Variants in MAML1 observed in about 807,000 individuals in gnomAD.
MAML1 encodes mastermind like transcriptional coactivator 1.
MAML1 carries 14 observed loss-of-function variants against 77.1 expected under a neutral mutation model. The observed-to-expected ratio is 0.18, with a 90% CI of 0.12 to 0.28. MAML1 has a LOEUF of 0.28. MAML1 is among the 10% of genes least tolerant of loss of function. The pLI, the probability that MAML1 is intolerant of heterozygous loss-of-function variation, is 1.00. For missense variants in MAML1, 1,217 were observed against 1,327.8 expected (o/e 0.92, Z 1.30); for synonymous variants, 516 against 551.9 (o/e 0.93, Z 0.91).
At chr5:179,763,621 AG>A (rs1346906160) in intron 1 of MAML1, among the ~76,000 whole-genome samples, 2 of 152,198 alleles carry the variant, frequency 1.3e-5, no homozygotes, top group East Asian at 3.9e-4. Flanking sequence ...TGGGGATTAG[AG>A]GTTGAGAAAA....
intron 1 of MAML1, among the ~76,000 whole-genome samples, chr5:179,737,874 A>G (rs1160045810): frequency 1.1e-5 from 1 of 93,774 alleles, no homozygotes; most frequent in Non-Finnish European, 3.0e-5. Context: ...GTGGGGCACT[A>G]CAGCCTTGAA....
rs976476471 is a variant in MAML1, at chr5:179,775,940, G to A, written c.*1063G>A. ...TTTTGGGGAAGGAGGCCGTAGGCCGGCCCGGAGGAAGCAATTCCACTTGGT... is the reference window on the plus strand; with the variant it reads ...TTTTGGGGAAGGAGGCCGTAGGCCGACCCGGAGGAAGCAATTCCACTTGGT... On this transcript the variant is annotated 3_prime_UTR_variant, in exon 5 of 5. Transcript: ENST00000292599. The A allele has an allele frequency of 3.0e-6, 3 of 985,622 alleles. No individual in the cohort carries two copies. Among genetic ancestry groups the A allele is most frequent in the Non-Finnish European group, 3.6e-6 (3 of 829,948 alleles). The allele number at this position is 985,622 out of a possible 1,614,324, so 61.1% of individuals were successfully genotyped here. A position where few individuals can be genotyped will look rare whatever the true frequency, so the allele number is the denominator to read the frequency against.
At chr5:179,761,031 T>C (rs1050155538) in intron 1 of MAML1, among the ~76,000 whole-genome samples, 13 of 150,946 alleles carry the variant, frequency 8.6e-5, no homozygotes, top group African/African-American at 3.2e-4. Flanking sequence ...GAGGTGGAGC[T>C]TGCAGTGAGC....
chr5:179,753,222 T>TGCGC (rs1171083663), intron 1 of MAML1, among the ~76,000 whole-genome samples: 29 of 31,484 alleles, frequency 9.2e-4, no homozygotes, highest in South Asian at 3.7e-3. Flanking sequence ...TGTGTGTGTG[T>TGCGC]GCGCGCGCGC....
chr5:179,742,707 TGAGGCAG>T (rs1323166517), intron 1 of MAML1, among the ~76,000 whole-genome samples: 2 of 151,272 alleles, frequency 1.3e-5, no homozygotes, highest in African/African-American at 2.4e-5. Flanking sequence ...CTTGGGAGGC[TGAGGCAG>T]GAGGCAGGAG....
At chr5:179,747,702 T>C (rs1386723102) in intron 1 of MAML1, among the ~76,000 whole-genome samples, 1 of 145,072 alleles carries the variant, frequency 6.9e-6, no homozygotes, top group Non-Finnish European at 1.5e-5. Flanking sequence ...CCCAGCTACT[T>C]GGGAGGCTGA....
chr5:179,746,719 TCA>T (rs1302117014), intron 1 of MAML1, among the ~76,000 whole-genome samples: 1 of 152,172 alleles, frequency 6.6e-6, no homozygotes, highest in Non-Finnish European at 1.5e-5. Flanking sequence ...TGCCAAAAAA[TCA>T]CAGTTACATA....
At chr5:179,745,995 T>C (rs1167374255) in intron 1 of MAML1, among the ~76,000 whole-genome samples, 7 of 141,126 alleles carry the variant, frequency 5.0e-5, no homozygotes, top group Non-Finnish European at 9.1e-5. Context: ...GATAGCGCCA[T>C]TCCATTCCAG....
intron 1 of MAML1, among the ~76,000 whole-genome samples, chr5:179,740,963 T>A (rs1270381431): frequency 6.6e-6 from 1 of 152,228 alleles, no homozygotes; most frequent in Non-Finnish European, 1.5e-5. Context: ...ATTTGTCACC[T>A]GTAATAATAC....
At chr5:179,748,532 G>A (rs1779425446) in intron 1 of MAML1, among the ~76,000 whole-genome samples, 1 of 152,154 alleles carries the variant, frequency 6.6e-6, no homozygotes, top group Non-Finnish European at 1.5e-5. Context: ...TTTAATAAAG[G>A]CATATCAATA....
intron 1 of MAML1, among the ~76,000 whole-genome samples, chr5:179,754,324 GT>G (rs1779569990): frequency 6.6e-6 from 1 of 152,126 alleles, no homozygotes; most frequent in Non-Finnish European, 1.5e-5. Flanking sequence ...GGCAGGCATG[GT>G]GGTTCACGCC....
chr5:179,748,236 C>A (rs973408806), intron 1 of MAML1, among the ~76,000 whole-genome samples: 3 of 152,098 alleles, frequency 2.0e-5, no homozygotes, highest in African/African-American at 7.2e-5. Context: ...GTGCCTGCCA[C>A]CACGCCTGGC....
intron 1 of MAML1, among the ~76,000 whole-genome samples, chr5:179,744,165 A>C (rs995729905): frequency 6.6e-6 from 1 of 152,192 alleles, no homozygotes; most frequent in Non-Finnish European, 1.5e-5. Context: ...TCTTTGCAAC[A>C]AAAAGAGGTA....
Position 179,765,969 on chromosome 5 carries a change from G to A in MAML1, c.959G>A (p.Gly320Glu). 4 of 1,613,746 alleles carry A rather than the reference G, an allele frequency of 2.5e-6. No homozygotes were observed. Among genetic ancestry groups the A allele is most frequent in the East Asian group, 2.2e-5 (1 of 44,872 alleles). ...EQLGSPQVRA[G>E]SAGQTFLGPS... ...TTAGGCTCTCCACAAGTGAGGGCCG[G>A]GTCTGCAGGGCAGACCTTTCTGGGG... Residue 320 changes from glycine (G) to glutamate (E), a missense_variant, in exon 2 of 5, where the codon GGG (glycine) becomes GAG (glutamate). Transcript: ENST00000292599.
chr5:179,735,316 A>G (rs1779145492), intron 1 of MAML1, among the ~76,000 whole-genome samples: 1 of 152,220 alleles, frequency 6.6e-6, no homozygotes, highest in Non-Finnish European at 1.5e-5. Context: ...GTTCCTGACC[A>G]GCCTAACCCA....
At chr5:179,764,786 A>G (rs1779783159) in intron 1 of MAML1, among the ~76,000 whole-genome samples, 1 of 151,972 alleles carries the variant, frequency 6.6e-6, no homozygotes, top group Admixed American at 6.6e-5. Flanking sequence ...ACATGGTGAA[A>G]CCCCGTCCCT....
At chr5:179,739,979 T>C (rs936206997) in intron 1 of MAML1, among the ~76,000 whole-genome samples, 1 of 152,184 alleles carries the variant, frequency 6.6e-6, no homozygotes, top group Admixed American at 6.5e-5. Context: ...GTCAATATTT[T>C]TGTTAACTTT....
At chr5:179,767,392 C>T (rs1167145033) in intron 2 of MAML1, among the ~76,000 whole-genome samples, 1 of 152,156 alleles carries the variant, frequency 6.6e-6, no homozygotes, top group African/African-American at 2.4e-5. Context: ...AATAGACACA[C>T]TCCTGTATTG....
chr5:179,751,426 G>C (rs1779487742), intron 1 of MAML1, among the ~76,000 whole-genome samples: 1 of 152,108 alleles, frequency 6.6e-6, no homozygotes, highest in African/African-American at 2.4e-5. Flanking sequence ...TTTTTTTGGT[G>C]CACTCACTTC....
Sources: allele counts gnomAD v4.1 joint callset (sites outside exome capture counted in the v4.1 genomes callset), GRCh38; gene constraint gnomAD v4.1.1; transcripts MANE v1.5; gene names NCBI Gene and HGNC (gene_info 2026-07-23, HGNC 2026-07-21).